The following ZNF609 variants were observed in gnomAD, a reference collection of about 807,000 sequenced individuals.
The protein encoded by ZNF609 is zinc finger protein 609.
Under a neutral mutation model 109.5 loss-of-function variants are expected in ZNF609, and 11 were observed. That is an observed-to-expected ratio of 0.10 (90% CI 0.06 to 0.17). The LOEUF (loss-of-function observed/expected upper bound fraction) is 0.17. Among genes scored for constraint, ZNF609 ranks in the 10% least tolerant of loss-of-function variants. The pLI, the probability that ZNF609 is intolerant of heterozygous loss-of-function variation, is 1.00. For missense variants in ZNF609, 1,559 were observed against 1,772.4 expected (o/e 0.88, Z 2.16); for synonymous variants, 646 against 662.0 (o/e 0.98, Z 0.37).
In ZNF609 at chr15:64,682,391, G is replaced by C. The variant is rs1208269196; in HGVS notation, c.*705G>C. On this transcript the variant is annotated 3_prime_UTR_variant, in exon 10 of 10. Transcript: ENST00000326648. ...TGGCCTTGAGCTGCCTGTGAGGCAGGGGGCAGGGGTTCCAACACCAGCACA... is the reference window on the plus strand; with the variant it reads ...TGGCCTTGAGCTGCCTGTGAGGCAGCGGGCAGGGGTTCCAACACCAGCACA... 1 of 152,686 alleles carries C rather than the reference G, an allele frequency of 6.5e-6. No individual in the cohort carries two copies. The highest frequency in any genetic ancestry group is 2.4e-5 in the African/African-American group (1 of 41,442). The allele number at this position is 152,686 out of a possible 1,614,324, so 9.5% of individuals were successfully genotyped here. A position where few individuals can be genotyped will look rare whatever the true frequency, so the allele number is the denominator to read the frequency against.
intron 2 of ZNF609, among the ~76,000 whole-genome samples, chr15:64,602,732 T>C (rs1895521693): frequency 7.8e-6 from 1 of 128,038 alleles, no homozygotes; most frequent in South Asian, 2.7e-4. Flanking sequence ...TTTTTTTTTT[T>C]TTTTTTTTGA....
chr15:64,487,042 G>A (rs1465584643), intron 1 of ZNF609, among the ~76,000 whole-genome samples: 3 of 151,946 alleles, frequency 2.0e-5, no homozygotes. Flanking sequence ...GTTTATTATT[G>A]AGCCGTTTGA....
intron 3 of ZNF609, among the ~76,000 whole-genome samples, chr15:64,652,418 AC>A (rs1177201618): frequency 8.3e-6 from 1 of 120,344 alleles, no homozygotes; most frequent in Non-Finnish European, 1.7e-5. Context: ...ACAGGGTCTT[AC>A]TCTGTCACCC....
intron 2 of ZNF609, among the ~76,000 whole-genome samples, chr15:64,508,906 C>G (rs1238863586): frequency 6.6e-6 from 1 of 152,010 alleles, no homozygotes; most frequent in Non-Finnish European, 1.5e-5. Context: ...GTTGTTCAGG[C>G]TAGTCTTGAA....
intron 3 of ZNF609, among the ~76,000 whole-genome samples, chr15:64,668,815 T>C (rs1278233720): frequency 6.7e-6 from 1 of 149,570 alleles, no homozygotes; most frequent in Non-Finnish European, 1.5e-5. Flanking sequence ...TAGCTGGGGG[T>C]GGTGGTGCAT....
Position 64,678,253 on chromosome 15 carries a change from G to T in ZNF609, c.3540G>T (p.Lys1180Asn). The T allele has an allele frequency of 6.2e-7, 1 of 1,614,186 alleles. No individual in the cohort carries two copies. Among genetic ancestry groups the T allele is most frequent in the South Asian group, 1.1e-5 (1 of 91,084 alleles). ...ERSRSKDSVP[K>N]EDGKESTSSD... ...GTCGGAGTAAGGACTCTGTCCCCAA[G>T]GAAGATGGGAAGGAAAGCACAAGTA... is the stretch of plus-strand genomic sequence containing the variant. Residue 1180 changes from lysine (K) to asparagine (N), a missense_variant, in exon 6 of 10, where the codon AAG becomes AAT. By Grantham distance (94) the Lys-to-Asn change is moderately conservative. This residue lies in a region of ZNF609 where 1,204 missense variants were observed against 1,314.1 expected (regional missense o/e 0.92). Transcript: ENST00000326648.
intron 3 of ZNF609, among the ~76,000 whole-genome samples, chr15:64,624,689 G>A (rs1002991770): frequency 1.3e-5 from 2 of 150,324 alleles, no homozygotes; most frequent in Admixed American, 6.6e-5. Flanking sequence ...TTTGTAAATC[G>A]TTTGCACTGG....
At chr15:64,510,120 G>A (rs760590330) in intron 2 of ZNF609, among the ~76,000 whole-genome samples, 3 of 151,828 alleles carry the variant, frequency 2.0e-5, no homozygotes, top group Non-Finnish European at 4.4e-5. Context: ...CAAAGAGGGT[G>A]AGTACAGTAC....
Position 64,622,961 on chromosome 15 carries a change from G to T in ZNF609, c.882G>T (p.Val294=), listed in dbSNP as rs975533287. 4.3e-6 allele frequency: 7 copies of T among 1,614,116 alleles called. No individual in the cohort carries two copies. In the African/African-American group the frequency reaches 9.3e-5, roughly 22 times the overall value. ...CAGTTGGGGTCAACACATGTGATGT[G>T]GCTCTGGCCACAGAGCCTGAGTGCT... ...TRSVGVNTCD[V]ALATEPECLG... The change falls in exon 3 of 10, where the codon GTG becomes GTT. Residue 294 remains valine, a synonymous_variant. Transcript: ENST00000326648.
At chr15:64,680,971 T>C in intron 8 of ZNF609, 109 bp downstream of exon 8, 2 of 1,295,392 alleles carry the variant, frequency 1.5e-6, no homozygotes, top group Non-Finnish European at 2.1e-6. Flanking sequence ...CTCATAAGAA[T>C]CCTTTTTTAA....
At chr15:64,524,114 A>G (rs1237067367) in intron 2 of ZNF609, among the ~76,000 whole-genome samples, 1 of 151,904 alleles carries the variant, frequency 6.6e-6, no homozygotes, top group Non-Finnish European at 1.5e-5. Context: ...CTATATTCAC[A>G]AACTGTGTAC....
chr15:64,590,446 T>G (rs1895274049), intron 2 of ZNF609, among the ~76,000 whole-genome samples: 1 of 151,936 alleles, frequency 6.6e-6, no homozygotes, highest in Admixed American at 6.6e-5. Context: ...CTCAGCTTCC[T>G]GAGTAGCTGG....
chr15:64,487,825 G>A (rs1020089995), intron 1 of ZNF609, among the ~76,000 whole-genome samples: 1 of 151,930 alleles, frequency 6.6e-6, no homozygotes. Context: ...TAGTAGAGAT[G>A]GGGTTTCACC....
intron 1 of ZNF609, among the ~76,000 whole-genome samples, chr15:64,480,314 A>G (rs1893234344): frequency 6.6e-6 from 1 of 152,058 alleles, no homozygotes; most frequent in Non-Finnish European, 1.5e-5. Context: ...CAGGTGGATC[A>G]CCTGAGGTCA....
chr15:64,597,772 A>G (rs910508044), intron 2 of ZNF609, among the ~76,000 whole-genome samples: 14 of 152,150 alleles, frequency 9.2e-5, no homozygotes, highest in African/African-American at 4.8e-5. Context: ...GGAAGGTCAC[A>G]GAGATACTGC....
At chr15:64,648,802 A>G (rs1244449259) in intron 3 of ZNF609, among the ~76,000 whole-genome samples, 1 of 151,074 alleles carries the variant, frequency 6.6e-6, no homozygotes, top group Non-Finnish European at 1.5e-5. Context: ...AACCCGTTGT[A>G]TCTGGGACTA....
rs2083234547 is a variant in ZNF609 at position 64,685,343 on chromosome 15, C to G, written c.*3657C>G. Reference sequence around the variant, plus strand: ...CTTCCTTCCTCCCAATTTTCCTGTTCTCCCTCAGCTCTCCTGATCTTCCTG... The same window carrying G: ...CTTCCTTCCTCCCAATTTTCCTGTTGTCCCTCAGCTCTCCTGATCTTCCTG... On this transcript the variant is annotated 3_prime_UTR_variant, in exon 10 of 10. Coordinates refer to ENST00000326648, the MANE Select transcript of ZNF609 (RefSeq NM_015042.2). The G allele has an allele frequency of 1.3e-5, 2 of 152,658 alleles. No homozygotes were observed. The highest frequency in any genetic ancestry group is 2.9e-5 in the Non-Finnish European group (2 of 68,092). The allele number at this position is 152,658 out of a possible 1,614,324, so 9.5% of individuals were successfully genotyped here. A position where few individuals can be genotyped will look rare whatever the true frequency, so the allele number is the denominator to read the frequency against.
chr15:64,467,642 C>T (rs988567041), intron 1 of ZNF609, among the ~76,000 whole-genome samples: 1 of 152,168 alleles, frequency 6.6e-6, no homozygotes. Flanking sequence ...GTCAAGAGAT[C>T]GAGACCATCC....
At chr15:64,528,781 C>T in intron 2 of ZNF609, 1 of 845,508 alleles carries the variant, frequency 1.2e-6, no homozygotes, top group South Asian at 1.3e-5. Context: ...CAATGGCTGC[C>T]CCAGCATCGA....
Sources: gnomAD v4.1 joint callset for allele counts (sites outside exome capture counted in the v4.1 genomes callset) on GRCh38, gnomAD v4.1.1 for gene constraint, gnomAD v4.1.1 regional missense constraint, MANE v1.5 for transcripts, NCBI Gene and HGNC (gene_info 2026-07-23, HGNC 2026-07-21) for gene names.